SH3PXD2A: variants seen among roughly 807,000 people sequenced by gnomAD.
SH3PXD2A encodes the protein SH3 and PX domain-containing protein 2A.
Under a neutral mutation model 115.2 loss-of-function variants are expected in SH3PXD2A, and 32 were observed. The observed-to-expected ratio is 0.28, with a 90% confidence interval of 0.21 to 0.37. SH3PXD2A has a LOEUF of 0.37. SH3PXD2A is among the 10% of genes least tolerant of loss of function. SH3PXD2A has a pLI of 1.00. For synonymous variants in SH3PXD2A, 610 were observed against 629.1 expected (o/e 0.97, Z 0.45); for missense variants, 1,328 against 1,498.7 (o/e 0.89, Z 1.88).
intron 2 of SH3PXD2A, among the ~76,000 whole-genome samples, chr10:103,791,341 C>A (rs897971891): frequency 1.3e-5 from 2 of 152,198 alleles, no homozygotes; most frequent in African/African-American, 4.8e-5. Context: ...ACCGTGAATA[C>A]CCTGGGCCTG....
chr10:103,793,045 C>T (rs2039050312), intron 2 of SH3PXD2A, among the ~76,000 whole-genome samples: 1 of 152,176 alleles, frequency 6.6e-6, no homozygotes, highest in Non-Finnish European at 1.5e-5. Context: ...CCAGGAAAGA[C>T]ATATTTTATT....
At chr10:103,611,659 C>T (rs1425102475) in intron 12 of SH3PXD2A, 29 bp from the exon 13 acceptor site, 1 of 1,598,974 alleles carries the variant, frequency 6.3e-7, no homozygotes, top group East Asian at 2.2e-5. Flanking sequence ...CTTCAGAAAT[C>T]CTAGTCAGAC....
chr10:103,783,508 A>T (rs535948455), intron 2 of SH3PXD2A, among the ~76,000 whole-genome samples: 1 of 152,138 alleles, frequency 6.6e-6, no homozygotes, highest in Admixed American at 6.5e-5. Flanking sequence ...TGGGCTGGAT[A>T]TGGGACATGA....
chr10:103,715,956 C>T (rs995092798), intron 5 of SH3PXD2A, among the ~76,000 whole-genome samples: 3 of 152,234 alleles, frequency 2.0e-5, no homozygotes, highest in African/African-American at 7.2e-5. Flanking sequence ...CAACCTCTGT[C>T]CCCCTCACTG....
intron 2 of SH3PXD2A, among the ~76,000 whole-genome samples, chr10:103,771,243 A>G (rs771064237): frequency 6.6e-6 from 1 of 152,116 alleles, no homozygotes; most frequent in Non-Finnish European, 1.5e-5. Flanking sequence ...AAAACTTGAC[A>G]TTTTTTCCCC....
chr10:103,814,508 A>G (rs2039304135), intron 1 of SH3PXD2A, among the ~76,000 whole-genome samples: 1 of 152,190 alleles, frequency 6.6e-6, no homozygotes, highest in Non-Finnish European at 1.5e-5. Context: ...CATCAGGAAG[A>G]ATTTTCTAAT....
chr10:103,703,943 C>T (rs2037950880), intron 5 of SH3PXD2A, among the ~76,000 whole-genome samples: 1 of 152,184 alleles, frequency 6.6e-6, no homozygotes, highest in South Asian at 2.1e-4. Flanking sequence ...TATTTAGGGT[C>T]TCTGTCTTCA....
intron 8 of SH3PXD2A, among the ~76,000 whole-genome samples, chr10:103,640,143 C>CATTTT (rs2036932350): frequency 2.0e-5 from 3 of 151,976 alleles, no homozygotes; most frequent in African/African-American, 7.3e-5. Context: ...GGCGAAACCC[C>CATTTT]GTTTGTAATA....
At chr10:103,628,643 C>G (rs774702602) in intron 8 of SH3PXD2A, among the ~76,000 whole-genome samples, 2 of 152,106 alleles carry the variant, frequency 1.3e-5, no homozygotes, top group Non-Finnish European at 2.9e-5. Flanking sequence ...TTCCGGAGAA[C>G]CCCCGGTCAG....
chr10:103,680,327 G>T (rs1345575524), intron 6 of SH3PXD2A, among the ~76,000 whole-genome samples: 1 of 151,720 alleles, frequency 6.6e-6, no homozygotes, highest in Non-Finnish European at 1.5e-5. Flanking sequence ...CTATTGCCCA[G>T]GCTGGAGTGC....
chr10:103,750,456 C>A (rs1286225410), intron 3 of SH3PXD2A, among the ~76,000 whole-genome samples: 1 of 152,184 alleles, frequency 6.6e-6, no homozygotes, highest in Admixed American at 6.5e-5. Flanking sequence ...CCCTGTGTTA[C>A]CTGAATCAGA....
At chr10:103,669,686 G>A (rs556288150) in intron 6 of SH3PXD2A, among the ~76,000 whole-genome samples, 232 of 152,290 alleles carry the variant, frequency 1.5e-3, no homozygotes, top group Admixed American at 2.4e-3. Context: ...TTCTCTGCTG[G>A]GCTGCTCATC....
Position 103,728,881 on chromosome 10 carries a change from T to G in SH3PXD2A, c.307-4520A>C, listed in dbSNP as rs547160927. 7.9e-3 allele frequency among the ~76,000 whole-genome samples: 1,070 copies of G among 135,508 alleles called. 6 individuals carry two copies. The highest frequency in any genetic ancestry group is 9.9e-3 in the Non-Finnish European group (635 of 63,848). 88.9% of individuals were successfully genotyped at this position (135,508 alleles called of 152,430 possible). On this transcript the variant is annotated intron_variant, in intron 4 of 14. Transcript: ENST00000369774. Reference sequence around the variant, plus strand: ...CTAGTAAGTAGCAAAGAGTTGTTTTTTTTGTTTGTTTGTTTGTTTTTTTTT... The same window carrying G: ...CTAGTAAGTAGCAAAGAGTTGTTTTGTTTGTTTGTTTGTTTGTTTTTTTTT...
chr10:103,691,790 C>T (rs992055855), intron 6 of SH3PXD2A, among the ~76,000 whole-genome samples: 1 of 152,066 alleles, frequency 6.6e-6, no homozygotes, highest in African/African-American at 2.4e-5. Flanking sequence ...AGTAAACATA[C>T]CCTCACAGCA....
chr10:103,782,636 G>A (rs143368282), intron 2 of SH3PXD2A, among the ~76,000 whole-genome samples: 111 of 152,118 alleles, frequency 7.3e-4, no homozygotes, highest in East Asian at 7.0e-3. Flanking sequence ...GCAAGATCCT[G>A]CTCTCTGAAA....
chr10:103,709,209 G>A (rs17739429), intron 5 of SH3PXD2A, among the ~76,000 whole-genome samples: 7,481 of 152,178 alleles, frequency 0.049, 257 homozygotes, highest in Non-Finnish European at 0.077. Flanking sequence ...CCGCACCAGG[G>A]ATGCTCCAAA....
intron 11 of SH3PXD2A, among the ~76,000 whole-genome samples, chr10:103,614,365 A>G (rs527260516): frequency 2.6e-5 from 4 of 152,330 alleles, no homozygotes; most frequent in South Asian, 2.1e-4. Flanking sequence ...GAAGATTGAC[A>G]TAATGTTGGG....
chr10:103,708,331 G>A (rs1306766161), intron 5 of SH3PXD2A, among the ~76,000 whole-genome samples: 3 of 152,138 alleles, frequency 2.0e-5, no homozygotes, highest in African/African-American at 4.8e-5. Flanking sequence ...CCTTCCCTGC[G>A]GCTGCCAGGC....
intron 8 of SH3PXD2A, among the ~76,000 whole-genome samples, chr10:103,660,611 G>A (rs373338462): frequency 1.3e-5 from 2 of 152,224 alleles, no homozygotes; most frequent in Non-Finnish European, 2.9e-5. Flanking sequence ...TGTCCTGCCT[G>A]GACCCTGGAC....
Sources: gnomAD v4.1 joint callset for allele counts (sites outside exome capture counted in the v4.1 genomes callset) on GRCh38, gnomAD v4.1.1 for gene constraint, MANE v1.5 for transcripts, NCBI Gene and HGNC (gene_info 2026-07-23, HGNC 2026-07-21) for gene names.